VPS35: variants seen among roughly 807,000 people sequenced by gnomAD.
VPS35 encodes VPS35 retromer complex component, also known as vacuolar protein sorting-associated protein 35.
VPS35 carries 21 observed loss-of-function variants against 98.1 expected under a neutral mutation model. The ratio of observed to expected loss-of-function variants is 0.21; its 90% CI spans 0.15 to 0.31. The LOEUF is 0.31. Among genes scored for constraint, VPS35 ranks in the 10% least tolerant of loss-of-function variants. The pLI is 1.00. For missense variants in VPS35, 554 were observed against 950.8 expected (o/e 0.58, Z 5.49); for synonymous variants, 268 against 318.2 (o/e 0.84, Z 1.68).
rs139315348 is a variant in VPS35, at chr16:46,679,425, C to T, written c.507-269G>A. On this transcript the variant is annotated intron_variant, in intron 5 of 16. Transcript: ENST00000299138. Reference sequence around the variant, plus strand: ...CTGGACTTGCTCTTATGGCAACTTCCTTAATTGAAAAAGGCTAGAAGGATG... The same window carrying T: ...CTGGACTTGCTCTTATGGCAACTTCTTTAATTGAAAAAGGCTAGAAGGATG... Among the ~76,000 whole-genome samples, 11 of 152,206 alleles carry T rather than the reference C, an allele frequency of 7.2e-5. No individual in the cohort carries two copies. In the East Asian group the frequency reaches 1.9e-3, roughly 27 times the overall value.
At position 46,660,193 on chromosome 16, in the gene VPS35, T is replaced by TTG. The variant is rs1555522788; in HGVS notation, c.*278_*279insCA. The TTG allele has an allele frequency of 2.1e-5, 4 of 189,484 alleles. No individual in the cohort carries two copies. The highest frequency in any genetic ancestry group is 4.9e-5 in the African/African-American group (2 of 41,170). The allele number at this position is 189,484 out of a possible 1,614,324, so 11.7% of individuals were successfully genotyped here. On this transcript the variant is annotated 3_prime_UTR_variant, in exon 17 of 17. Coordinates refer to ENST00000299138, the MANE Select transcript of VPS35 (RefSeq NM_018206.6). ...AGATAAGTGCTTGTGGGTTTTGTGTTTTTTTTTTTTTTTTTTTTTACAGAT... is the reference window on the plus strand; with the variant it reads ...AGATAAGTGCTTGTGGGTTTTGTGTTTGTTTTTTTTTTTTTTTTTTTACAGAT...
chr16:46,676,874 T>C (rs1373877377), intron 7 of VPS35, among the ~76,000 whole-genome samples, 182 bp from the exon 8 acceptor site: 4 of 152,114 alleles, frequency 2.6e-5, no homozygotes, highest in African/African-American at 4.8e-5. Flanking sequence ...ATAAACAAAG[T>C]GCACCTACAA....
At position 46,663,172 on chromosome 16, in the gene VPS35, G is replaced by GA; in HGVS notation, c.1648-11dup. 1 of 1,610,878 alleles carries GA rather than the reference G, an allele frequency of 6.2e-7. No homozygotes were observed. The highest frequency in any genetic ancestry group is 1.1e-5 in the South Asian group (1 of 90,502). On this transcript the variant is annotated splice_polypyrimidine_tract_variant and intron_variant, in intron 13 of 16. Transcript: ENST00000299138. The stretch of plus-strand genomic sequence containing the variant: ...TTTCCCATTTGTCATCCTAAAACAA[G>GA]AAAAAACATTTTAAGTTACCTTAAA...
intron 12 of VPS35, among the ~76,000 whole-genome samples, chr16:46,670,202 A>G (rs1966047914): frequency 1.3e-5 from 2 of 152,196 alleles, no homozygotes; most frequent in South Asian, 4.1e-4. Context: ...AAGAGAATGC[A>G]TTTCCCCTAG....
intron 6 of VPS35, among the ~76,000 whole-genome samples, chr16:46,678,163 T>C (rs1227153967): frequency 6.6e-6 from 1 of 152,232 alleles, no homozygotes; most frequent in Non-Finnish European, 1.5e-5. Flanking sequence ...GCCATGCCCA[T>C]TCACTTCCAT....
Position 46,674,323 on chromosome 16 carries a change from T to C in VPS35, c.1151A>G (p.Asn384Ser), listed in dbSNP as rs762573165. The C allele has an allele frequency of 1.7e-5, 27 of 1,613,978 alleles. No homozygotes were observed. Among genetic ancestry groups the C allele is most frequent in the African/African-American group, 1.6e-4 (12 of 74,932 alleles). Reference protein sequence around the residue: ...ETTVEIFNKLNLEHIATSSAV... With the variant: ...ETTVEIFNKLSLEHIATSSAV... Reference sequence around the variant, plus strand: ...AATGTAACTGACTTACTGTTCAAGGTTGAGCTTATTGAATATCTCCACTGT... The same window carrying C: ...AATGTAACTGACTTACTGTTCAAGGCTGAGCTTATTGAATATCTCCACTGT... The change falls in exon 10 of 17, where the codon AAC becomes AGC. Residue 384 changes from asparagine to serine, a missense_variant. Physicochemically the swap from Asn to Ser is conservative, Grantham distance 46. Around this residue, in one of 5 missense-constraint regions of VPS35, gnomAD observed 254 missense variants for 390.1 expected, o/e 0.65. Transcript: ENST00000299138.
At chr16:46,688,932 C>T in intron 1 of VPS35, 199 bp downstream of exon 1, 2 of 1,470,610 alleles carry the variant, frequency 1.4e-6, no homozygotes, top group South Asian at 1.3e-5. Flanking sequence ...CAGCCAAGAG[C>T]CGCCGCCCAC....
intron 2 of VPS35, chr16:46,682,957 TCTTA>T (rs1186991193): frequency 6.3e-6 from 1 of 158,128 alleles, no homozygotes; most frequent in South Asian, 1.8e-4. Context: ...ACAGATTATC[TCTTA>T]CTTTATCTTT....
At chr16:46,677,224 T>C in intron 7 of VPS35, 91 bp downstream of exon 7, 1 of 1,180,584 alleles carries the variant, frequency 8.5e-7, no homozygotes, top group Admixed American at 1.8e-5. Context: ...GGAAAGCTTA[T>C]TTCCTATTCC....
intron 1 of VPS35, among the ~76,000 whole-genome samples, chr16:46,687,898 T>C (rs987291768): frequency 6.6e-6 from 1 of 152,190 alleles, no homozygotes; most frequent in Non-Finnish European, 1.5e-5. Flanking sequence ...GTCTGGCTGA[T>C]TGCTCCCAAC....
intron 13 of VPS35, among the ~76,000 whole-genome samples, chr16:46,668,146 A>C (rs1966015420): frequency 6.6e-6 from 1 of 152,160 alleles, no homozygotes; most frequent in Non-Finnish European, 1.5e-5. Flanking sequence ...CTACAATCCT[A>C]GCACTTTGAG....
rs538529500 is a variant in VPS35, at chr16:46,679,424, C to T, written c.507-268G>A. ...ACTGGACTTGCTCTTATGGCAACTTCCTTAATTGAAAAAGGCTAGAAGGAT... is the reference window on the plus strand; with the variant it reads ...ACTGGACTTGCTCTTATGGCAACTTTCTTAATTGAAAAAGGCTAGAAGGAT... On this transcript the variant is annotated intron_variant, in intron 5 of 16. Coordinates refer to ENST00000299138, the MANE Select transcript of VPS35 (RefSeq NM_018206.6). Among the ~76,000 whole-genome samples the T allele has an allele frequency of 5.3e-5, 8 of 152,274 alleles. No individual in the cohort carries two copies. The South Asian group carries it at 1.7e-3, about 32-fold the overall frequency.
intron 16 of VPS35, 129 bp from the exon 17 acceptor site, chr16:46,660,780 G>A (rs1260830804): frequency 2.1e-6 from 1 of 473,664 alleles, no homozygotes; most frequent in Non-Finnish European, 3.8e-6. Context: ...AAAAAAGAAA[G>A]ATGGGGATAC....
intron 13 of VPS35, among the ~76,000 whole-genome samples, chr16:46,668,310 G>A (rs773219950): frequency 2.0e-5 from 3 of 152,120 alleles, no homozygotes; most frequent in South Asian, 4.1e-4. Context: ...CACAAGAATC[G>A]CTTGAACCCA....
intron 7 of VPS35, 115 bp downstream of exon 7, chr16:46,677,200 A>G: frequency 2.0e-6 from 2 of 988,260 alleles, no homozygotes; most frequent in Non-Finnish European, 3.1e-6. Context: ...CCCGCAAGGA[A>G]AACTCTTTAT....
rs1419045650 is a variant in VPS35 at position 46,678,986 on chromosome 16, C to T, written c.677G>A (p.Arg226His). Residue 226 changes from arginine to histidine, a missense_variant, in exon 6 of 17, where the codon CGC (arginine) becomes CAC (histidine). Coordinates refer to ENST00000299138, the MANE Select transcript of VPS35 (RefSeq NM_018206.6). ...LRILVGTNLV[R>H]LSQLEGVNVE... ...ATTTACACCTTCCAACTGACTGAGGCGCACCAAATTTGTTCCCACTAAAAT... is the reference window on the plus strand; with the variant it reads ...ATTTACACCTTCCAACTGACTGAGGTGCACCAAATTTGTTCCCACTAAAAT... 1 of 1,614,124 alleles carries T rather than the reference C, an allele frequency of 6.2e-7. No individual in the cohort carries two copies. Among genetic ancestry groups the T allele is most frequent in the Non-Finnish European group, 8.5e-7 (1 of 1,180,010 alleles).
chr16:46,682,776 A>T (rs1966253102), intron 2 of VPS35: 1 of 154,550 alleles, frequency 6.5e-6, no homozygotes, highest in Non-Finnish European at 1.4e-5. Flanking sequence ...ATTTGTTAGG[A>T]ATTAAACCAA....
rs200398303 is a variant in VPS35 at position 46,669,670 on chromosome 16, AAAAAAAAAAAAG to A, written c.1525-630_1525-619del. Among the ~76,000 whole-genome samples, 180 of 151,514 alleles carry A rather than the reference AAAAAAAAAAAAG, an allele frequency of 1.2e-3. 2 individuals are homozygous for A. The East Asian group carries it at 0.029, about 24-fold the overall frequency. On this transcript the variant is annotated intron_variant, in intron 12 of 16. Transcript: ENST00000299138. ...TGACAGAGCAAGATTCCATCTCAAAAAAAAAAAAAAAGAAAAAAGAAAAGAGAAAAAAAGAAG... is the reference window on the plus strand; with the variant it reads ...TGACAGAGCAAGATTCCATCTCAAAAAAAAAAGAAAAGAGAAAAAAAGAAG...
Position 46,681,484 on chromosome 16 carries a change from A to G in VPS35, c.216T>C (p.Asp72=). The G allele has an allele frequency of 6.2e-7, 1 of 1,613,010 alleles. No individual in the cohort carries two copies. The highest frequency in any genetic ancestry group is 8.5e-7 in the Non-Finnish European group (1 of 1,179,594). The change falls in exon 4 of 17, where the codon GAT becomes GAC. Residue 72 remains aspartate, a synonymous_variant. Transcript: ENST00000299138. ...SYYELYMAIS[D]ELHYLEVYLT... ...GGTAGACCTCCAAGTAGTGCAGTTC[A>G]TCAGAAATGGCCATATCTTTTAATT...
Sources: gnomAD v4.1 joint callset for allele counts (sites outside exome capture counted in the v4.1 genomes callset) on GRCh38, gnomAD v4.1.1 for gene constraint, gnomAD v4.1.1 regional missense constraint, MANE v1.5 for transcripts, NCBI Gene and HGNC (gene_info 2026-07-23, HGNC 2026-07-21) for gene names.